Variants in WAPL observed in about 807,000 individuals in gnomAD.
WAPL encodes wings apart-like protein homolog.
WAPL carries 5 observed loss-of-function variants against 121.0 expected under a neutral mutation model. The ratio of observed to expected loss-of-function variants is 0.04; its 90% CI spans 0.02 to 0.09. The LOEUF is 0.09. Among genes scored for constraint, WAPL ranks in the 10% least tolerant of loss-of-function variants. The pLI, the probability that WAPL is intolerant of heterozygous loss-of-function variation, is 1.00. For missense variants in WAPL, 999 were observed against 1,410.8 expected (o/e 0.71, Z 4.68); for synonymous variants, 480 against 481.5 (o/e 1.00, Z 0.04).
At chr10:86,467,200 C>T in intron 9 of WAPL, 79 bp downstream of exon 9, 1 of 1,298,550 alleles carries the variant, frequency 7.7e-7, no homozygotes, top group Non-Finnish European at 1.1e-6. Flanking sequence ...AATTTGCCCA[C>T]AGTCACACAG....
intron 12 of WAPL, among the ~76,000 whole-genome samples, chr10:86,455,683 T>TAAAAAAAAAAAAAAAAAAAAA (rs539594893): frequency 4.8e-4 from 14 of 28,974 alleles, no homozygotes; most frequent in Non-Finnish European, 6.0e-4. Context: ...CAATAAATAC[T>TAAAAAAAAAAAAAAAAAAAAA]AAAAAAAAAA....
intron 4 of WAPL, among the ~76,000 whole-genome samples, chr10:86,488,044 A>C (rs1841964606): frequency 6.6e-6 from 1 of 152,340 alleles, no homozygotes; most frequent in East Asian, 1.9e-4. Flanking sequence ...AGTTACATAC[A>C]TGACGATTGT....
chr10:86,488,215 G>A (rs180921256), intron 4 of WAPL, among the ~76,000 whole-genome samples: 3 of 152,338 alleles, frequency 2.0e-5, no homozygotes. Flanking sequence ...AAATAGACAT[G>A]TGTCTGTATA....
intron 2 of WAPL, among the ~76,000 whole-genome samples, chr10:86,513,710 T>C (rs1441410730): frequency 1.3e-5 from 2 of 152,208 alleles, no homozygotes; most frequent in South Asian, 2.1e-4. Flanking sequence ...GAGAAAGAGA[T>C]GCACTTAAAA....
intron 15 of WAPL, among the ~76,000 whole-genome samples, chr10:86,449,509 A>G (rs1200069239): frequency 6.6e-6 from 1 of 152,252 alleles, no homozygotes; most frequent in Non-Finnish European, 1.5e-5. Flanking sequence ...AGAGGCTTCT[A>G]TAACACTAAG....
chr10:86,454,061 TCG>T (rs1841070645), intron 12 of WAPL, among the ~76,000 whole-genome samples: 1 of 152,228 alleles, frequency 6.6e-6, no homozygotes, highest in African/African-American at 2.4e-5. Context: ...CCAAATTGTC[TCG>T]CATGTTATTG....
intron 9 of WAPL, among the ~76,000 whole-genome samples, chr10:86,465,767 T>C (rs982267330): frequency 2.0e-5 from 3 of 152,188 alleles, no homozygotes; most frequent in Admixed American, 6.5e-5. Context: ...TGTTTCTTTC[T>C]AAAAAACTGG....
chr10:86,453,017 C>CAAAAAAAA (rs34469657), intron 14 of WAPL, among the ~76,000 whole-genome samples: 2 of 58,234 alleles, frequency 3.4e-5, no homozygotes, highest in African/African-American at 5.5e-5. Context: ...CTCCATCTCC[C>CAAAAAAAA]AAAAAAAAAA....
chr10:86,486,228 G>C (rs1237122333), intron 4 of WAPL, among the ~76,000 whole-genome samples: 1 of 152,188 alleles, frequency 6.6e-6, no homozygotes, highest in Non-Finnish European at 1.5e-5. Flanking sequence ...GGGTAAAACT[G>C]TTCTGACAGA....
intron 17 of WAPL, among the ~76,000 whole-genome samples, chr10:86,439,745 G>A (rs1849415165): frequency 6.6e-6 from 1 of 152,218 alleles, no homozygotes; most frequent in Non-Finnish European, 1.5e-5. Context: ...ATCAGTAAGT[G>A]CTCTGAAGTA....
intron 2 of WAPL, among the ~76,000 whole-genome samples, chr10:86,515,724 G>C (rs1437199851): frequency 6.6e-6 from 1 of 152,100 alleles, no homozygotes; most frequent in Non-Finnish European, 1.5e-5. Flanking sequence ...GGAGGTTGCA[G>C]TGAGGCAAGA....
chr10:86,443,042 CAA>C (rs11402869), intron 17 of WAPL, among the ~76,000 whole-genome samples: 4 of 123,278 alleles, frequency 3.2e-5, no homozygotes, highest in Non-Finnish European at 3.3e-5. Flanking sequence ...GACTCCGCCT[CAA>C]AAAAAAAAAA....
At chr10:86,456,564 C>CA (rs1464175910) in intron 12 of WAPL, among the ~76,000 whole-genome samples, 1 of 152,180 alleles carries the variant, frequency 6.6e-6, no homozygotes, top group East Asian at 1.9e-4. Flanking sequence ...GTTGATTCTT[C>CA]ATGCATTATA....
At chr10:86,476,262 G>A (rs1841650993) in intron 4 of WAPL, among the ~76,000 whole-genome samples, 1 of 152,184 alleles carries the variant, frequency 6.6e-6, no homozygotes, top group Non-Finnish European at 1.5e-5. Context: ...CTACTTGGGA[G>A]GCTGAGGGAG....
At chr10:86,501,425 A>C (rs1236745684) in intron 2 of WAPL, among the ~76,000 whole-genome samples, 1 of 152,176 alleles carries the variant, frequency 6.6e-6, no homozygotes, top group East Asian at 1.9e-4. Flanking sequence ...AATTTTTACT[A>C]TCAGAACATT....
chr10:86,453,778 C>T lies in WAPL; in HGVS notation c.2711G>A (p.Ser904Asn). 6.2e-7 allele frequency: 1 copy of T among 1,614,022 alleles called. No individual in the cohort carries two copies. The highest frequency in any genetic ancestry group is 1.1e-5 in the South Asian group (1 of 91,026). The change falls in exon 13 of 19, where the codon AGC becomes AAC. Residue 904 changes from serine (S) to asparagine (N), a missense_variant. By Grantham distance (46) the Ser-to-Asn change is conservative. Around this residue, in one of 7 missense-constraint regions of WAPL, gnomAD observed 85 missense variants for 133.5 expected, o/e 0.64. Transcript: ENST00000298767. The part of the protein sequence containing the change: ...LIQQYNRAED[S>N]ICLADSKPLP... ...AGGCTTACTGTCAGCTAAGCATATGCTGTCCTCAGCACGGTTGTACTGCTG... is the reference window on the plus strand; with the variant it reads ...AGGCTTACTGTCAGCTAAGCATATGTTGTCCTCAGCACGGTTGTACTGCTG...
chr10:86,509,371 A>G (rs11202049), intron 2 of WAPL, among the ~76,000 whole-genome samples: 39,046 of 152,004 alleles, frequency 0.26, 5,905 homozygotes, highest in South Asian at 0.44. Context: ...CTCATCACTC[A>G]TGTCACCAAA....
intron 15 of WAPL, among the ~76,000 whole-genome samples, chr10:86,450,183 T>C (rs1840943425): frequency 6.6e-6 from 1 of 152,208 alleles, no homozygotes; most frequent in African/African-American, 2.4e-5. Context: ...AGTCTATAAC[T>C]ATTTTGAAAT....
intron 17 of WAPL, among the ~76,000 whole-genome samples, chr10:86,440,381 G>C (rs1004434384): frequency 1.3e-5 from 2 of 151,618 alleles, no homozygotes; most frequent in Admixed American, 6.6e-5. Flanking sequence ...TCCGCCTCCC[G>C]AGTTCACGCC....
Sources: allele counts gnomAD v4.1 joint callset (sites outside exome capture counted in the v4.1 genomes callset), GRCh38; gene constraint gnomAD v4.1.1; regional missense constraint gnomAD v4.1.1; transcripts MANE v1.5; gene names NCBI Gene and HGNC (gene_info 2026-07-23, HGNC 2026-07-21).